The following TRDN variants were observed in gnomAD, a reference collection of about 807,000 sequenced individuals.
TRDN encodes triadin.
A neutral mutation model predicts 149.7 loss-of-function variants in TRDN; 161 were observed. The observed-to-expected ratio is 1.08, with a 90% CI of 0.95 to 1.23. The LOEUF (loss-of-function observed/expected upper bound fraction) is 1.23, where lower values mean the gene tolerates loss of function less well. TRDN is among the 50% of genes most tolerant of loss of function. The pLI, the probability that TRDN is intolerant of heterozygous loss-of-function variation, is 0.00. For synonymous variants in TRDN, 294 were observed against 250.5 expected, an observed-to-expected ratio of 1.17 and a Z score of -1.64; for missense variants, 896 against 823.5, an observed-to-expected ratio of 1.09 and a Z score of -1.08.
chr6:123,372,870 G>A (rs764736776), intron 19 of TRDN, among the ~76,000 whole-genome samples: 26 of 152,150 alleles, frequency 1.7e-4, no homozygotes, highest in Non-Finnish European at 3.1e-4. Context: ...GCAGGGGAAT[G>A]TAGGTAGGGG....
intron 9 of TRDN, among the ~76,000 whole-genome samples, chr6:123,480,156 T>G (rs1209303396): frequency 2.0e-5 from 3 of 151,722 alleles, no homozygotes; most frequent in Non-Finnish European, 4.4e-5. Context: ...TGGCAAATAT[T>G]TAAAATATTA....
At chr6:123,280,292 C>G (rs1777534720) in intron 24 of TRDN, among the ~76,000 whole-genome samples, 1 of 151,832 alleles carries the variant, frequency 6.6e-6, no homozygotes, top group Admixed American at 6.6e-5. Flanking sequence ...AAATAAACTA[C>G]TTGAGGCCAA....
intron 6 of TRDN, among the ~76,000 whole-genome samples, chr6:123,515,218 G>A (rs996959470): frequency 4.0e-5 from 6 of 151,526 alleles, no homozygotes; most frequent in East Asian, 1.9e-4. Context: ...GAAACTCAGA[G>A]AGAAAAAAAG....
chr6:123,504,000 G>C (rs1778810706), intron 7 of TRDN, 99 bp from the exon 8 acceptor site: 1 of 1,310,192 alleles, frequency 7.6e-7, no homozygotes, highest in African/African-American at 1.5e-5. Flanking sequence ...AAGAAAGAGG[G>C]AAGAAAGGTA....
intron 24 of TRDN, among the ~76,000 whole-genome samples, chr6:123,290,012 G>C (rs1777946102): frequency 6.6e-6 from 1 of 152,158 alleles, no homozygotes; most frequent in Non-Finnish European, 1.5e-5. Context: ...TTTACTGGGA[G>C]TCTTGGACCC....
intron 12 of TRDN, among the ~76,000 whole-genome samples, chr6:123,427,359 A>G (rs1292565027): frequency 6.6e-6 from 1 of 152,026 alleles, no homozygotes. Context: ...AATAATAATA[A>G]TAACTTCACT....
chr6:123,328,347 C>T (rs1347666912), intron 23 of TRDN, among the ~76,000 whole-genome samples: 2 of 152,234 alleles, frequency 1.3e-5, no homozygotes, highest in Non-Finnish European at 2.9e-5. Context: ...ATGGCAGAGG[C>T]CGCCCCAAAT....
chr6:123,246,213 C>T (rs1299861122), intron 38 of TRDN, among the ~76,000 whole-genome samples: 2 of 152,018 alleles, frequency 1.3e-5, no homozygotes, highest in Admixed American at 6.6e-5. Flanking sequence ...CAAAATCTAG[C>T]AGAAGACAAG....
At chr6:123,273,066 C>A in intron 28 of TRDN, 55 bp from the exon 29 acceptor site, 1 of 1,237,862 alleles carries the variant, frequency 8.1e-7, no homozygotes, top group Non-Finnish European at 1.1e-6. Context: ...GGGAAAATAG[C>A]TAGCAGATTT....
At chr6:123,301,788 C>CATATAT (rs1562252374) in intron 24 of TRDN, among the ~76,000 whole-genome samples, 1 of 34,976 alleles carries the variant, frequency 2.9e-5, no homozygotes, top group Non-Finnish European at 7.6e-5. Context: ...TATATATATA[C>CATATAT]ATAAATGAAA....
At chr6:123,409,603 A>G (rs751364170) in intron 12 of TRDN, among the ~76,000 whole-genome samples, 1 of 152,142 alleles carries the variant, frequency 6.6e-6, no homozygotes, top group Non-Finnish European at 1.5e-5. Flanking sequence ...TATTGCAGTT[A>G]TTAATTCTCC....
In TRDN at chr6:123,389,307, G is replaced by T. The variant is rs555322112; in HGVS notation, c.1106-756C>A. 2.0e-5 allele frequency: 3 copies of T among 152,218 alleles called. No homozygotes were observed. The East Asian group carries it at 5.8e-4, about 29-fold the overall frequency. 9.4% of individuals were successfully genotyped at this position (152,218 alleles called of 1,614,324 possible). A position where few individuals can be genotyped will look rare whatever the true frequency, so the allele number is the denominator to read the frequency against. ...ATCCAGGAGCCAAAATCATTCAGGGGTATCTTAGGCCACATTAGTTGAATT... is the reference window on the plus strand; with the variant it reads ...ATCCAGGAGCCAAAATCATTCAGGGTTATCTTAGGCCACATTAGTTGAATT... On this transcript the variant is annotated intron_variant, in intron 13 of 40. Coordinates refer to ENST00000334268, the MANE Select transcript of TRDN (RefSeq NM_006073.4).
At chr6:123,584,726 C>G (rs139514721) in intron 1 of TRDN, among the ~76,000 whole-genome samples, 2,862 of 151,984 alleles carry the variant, frequency 0.019, 90 homozygotes, top group African/African-American at 0.064. Context: ...AAGTGAAAGC[C>G]AAGAGAGGCT....
chr6:123,273,344 T>A lies in TRDN; in HGVS notation c.1617A>T (p.Gln539His), dbSNP rs1777267709. 5 of 1,052,928 alleles carry A rather than the reference T, an allele frequency of 4.7e-6. No individual in the cohort carries two copies. Among genetic ancestry groups the A allele is most frequent in the African/African-American group, 1.7e-5 (1 of 58,674 alleles). The allele number at this position is 1,052,928 out of a possible 1,614,324, so 65.2% of individuals were successfully genotyped here. A position where few individuals can be genotyped will look rare whatever the true frequency, so the allele number is the denominator to read the frequency against. ...EAKPAISEKV[Q>H]IHKQDIVKPE... is the part of the protein sequence containing the mutation. ...GATAAAATTAATACATACTGTGTAT[T>A]TGCACTTTTTCAGATATAGCTAAAA... Residue 539 changes from glutamine to histidine, a missense_variant, in exon 28 of 41, where the codon CAA (glutamine) becomes CAT (histidine). By Grantham distance (24) the Gln-to-His change is conservative (BLOSUM62 0). Coordinates refer to ENST00000334268, the MANE Select transcript of TRDN (RefSeq NM_006073.4).
intron 1 of TRDN, among the ~76,000 whole-genome samples, chr6:123,635,812 A>C (rs1389857214): frequency 6.6e-6 from 1 of 152,098 alleles, no homozygotes; most frequent in East Asian, 1.9e-4. Flanking sequence ...ATCCACCTCC[A>C]AAAGTTTTAC....
chr6:123,547,195 A>G (rs1781153850), intron 4 of TRDN, 145 bp downstream of exon 4: 1 of 515,654 alleles, frequency 1.9e-6, no homozygotes, highest in Non-Finnish European at 3.4e-6. Flanking sequence ...AAAGAAATTG[A>G]GTATTTTTTT....
intron 4 of TRDN, among the ~76,000 whole-genome samples, chr6:123,541,254 C>T (rs1780821414): frequency 1.3e-5 from 2 of 152,130 alleles, no homozygotes; most frequent in African/African-American, 4.8e-5. Flanking sequence ...ATGTTGGCAC[C>T]AAAACCTGAT....
chr6:123,504,682 T>G (rs1778842020), intron 7 of TRDN, among the ~76,000 whole-genome samples: 1 of 152,094 alleles, frequency 6.6e-6, no homozygotes, highest in Non-Finnish European at 1.5e-5. Flanking sequence ...CACACATATA[T>G]TCTTAATTTG....
chr6:123,462,810 A>G (rs1377111634), intron 10 of TRDN: 2 of 152,128 alleles, frequency 1.3e-5, no homozygotes, highest in Non-Finnish European at 2.9e-5. Context: ...TTAATACTAA[A>G]TATGTCCTAG....
Sources: allele counts gnomAD v4.1 joint callset (sites outside exome capture counted in the v4.1 genomes callset), GRCh38; gene constraint gnomAD v4.1.1; transcripts MANE v1.5; gene names NCBI Gene and HGNC (gene_info 2026-07-23, HGNC 2026-07-21).